The following SYNJ2 variants were observed in gnomAD, a reference collection of about 807,000 sequenced individuals.
The protein encoded by SYNJ2 is polyphosphatidylinositol phosphatase SYNJ2.
A neutral mutation model predicts 141.3 loss-of-function variants in SYNJ2; 116 were observed. The observed-to-expected ratio is 0.82, with a 90% CI of 0.71 to 0.96. The LOEUF (loss-of-function observed/expected upper bound fraction) is 0.96. Among genes scored for constraint, SYNJ2 ranks in the 40% least tolerant of loss-of-function variants. SYNJ2 has a pLI of 0.00. For missense variants in SYNJ2, 1,873 were observed against 1,934.8 expected, an observed-to-expected ratio of 0.97 and a Z score of 0.60; for synonymous variants, 745 against 777.7, an observed-to-expected ratio of 0.96 and a Z score of 0.70.
chr6:158,075,151 C>T (rs1782196104), intron 16 of SYNJ2, among the ~76,000 whole-genome samples: 1 of 151,310 alleles, frequency 6.6e-6, no homozygotes, highest in Admixed American at 6.6e-5. Context: ...AGGCTGGTCT[C>T]GAACTCCTGG....
In SYNJ2 at chr6:158,084,235, C is replaced by A. The variant is rs1255424856; in HGVS notation, c.3208+61C>A. ...ATGGAGTCAGCTCAGGACAGACTTT[C>A]CTTTTTCTCTTGGCGATTGGGCACT... is the stretch of plus-strand genomic sequence containing the variant. On this transcript the variant is annotated intron_variant, in intron 22 of 26. Transcript: ENST00000355585. The surrounding 1 kb of genome is among the most constrained non-coding windows in gnomAD (Gnocchi z 5.0). 15 of 1,552,916 alleles carry A rather than the reference C, an allele frequency of 9.7e-6. No individual in the cohort carries two copies. The highest frequency in any genetic ancestry group is 1.4e-5 in the African/African-American group (1 of 72,586).
At chr6:158,095,220 TTAC>T (rs1464337135) in intron 26 of SYNJ2, among the ~76,000 whole-genome samples, 1 of 152,060 alleles carries the variant, frequency 6.6e-6, no homozygotes, top group East Asian at 1.9e-4. Context: ...GTAACACAAG[TTAC>T]TTCACCCTAG....
In SYNJ2 at chr6:158,033,569, G is replaced by A; in HGVS notation, c.600G>A (p.Gln200=). 1 of 1,614,154 alleles carries A rather than the reference G, an allele frequency of 6.2e-7. No homozygotes were observed. Among genetic ancestry groups the A allele is most frequent in the Non-Finnish European group, 8.5e-7 (1 of 1,180,046 alleles). Reference sequence around the variant, plus strand: ...GCACCGTGTATGCCTCCCACAAGCAGGCCAAGGCCTGCCTCGTCTCTCGCG... The same window carrying A: ...GCACCGTGTATGCCTCCCACAAGCAAGCCAAGGCCTGCCTCGTCTCTCGCG... ...TIRTVYASHK[Q]AKACLVSRVS... Residue 200 remains glutamine, a synonymous_variant, in exon 4 of 27, where the codon CAG becomes CAA. Coordinates refer to ENST00000355585, the MANE Select transcript of SYNJ2 (RefSeq NM_003898.4).
chr6:158,081,074 G>T (rs1221371105), intron 18 of SYNJ2, 35 bp from the exon 19 acceptor site: 141 of 1,604,612 alleles, frequency 8.8e-5, no homozygotes, highest in Non-Finnish European at 1.2e-4. Flanking sequence ...ATCTGTCCCA[G>T]GCTAACTGTC....
At chr6:158,041,235 T>G (rs1040222968) in intron 4 of SYNJ2, among the ~76,000 whole-genome samples, 1 of 152,146 alleles carries the variant, frequency 6.6e-6, no homozygotes, top group Non-Finnish European at 1.5e-5. Context: ...CGGACCCAGC[T>G]TGTGCTAATA....
chr6:158,038,718 G>A (rs1779771185), intron 4 of SYNJ2, among the ~76,000 whole-genome samples: 1 of 152,246 alleles, frequency 6.6e-6, no homozygotes. Flanking sequence ...GTGGTGTGAT[G>A]GGGGCGCAGC....
chr6:158,063,186 C>T (rs895777105), intron 8 of SYNJ2, among the ~76,000 whole-genome samples: 1 of 152,190 alleles, frequency 6.6e-6, no homozygotes, highest in African/African-American at 2.4e-5. Context: ...ATGTCCAATT[C>T]AGTGTTCCTA....
intron 17 of SYNJ2, 146 bp downstream of exon 17, chr6:158,076,928 T>A: frequency 9.8e-7 from 1 of 1,017,762 alleles, no homozygotes; most frequent in Non-Finnish European, 1.4e-6. Context: ...TCCCAGACCT[T>A]AACCCCTAAG....
Position 158,059,272 on chromosome 6 carries a change from G to A in SYNJ2, c.873G>A (p.Leu291=), listed in dbSNP as rs1333350484. 2 of 1,549,840 alleles carry A rather than the reference G, an allele frequency of 1.3e-6. No individual in the cohort carries two copies. Among genetic ancestry groups the A allele is most frequent in the Non-Finnish European group, 1.7e-6 (2 of 1,146,658 alleles). The change falls in exon 7 of 27, where the codon CTG becomes CTA. Residue 291 remains leucine, a synonymous_variant. Transcript: ENST00000355585. ...APAFDRHMVL[L]KEQYGQQVVV... ...GCCTTTGCAGGCACATGGTGCTTCTGAAGGAGCAGTACGGGCAGCAGGTGG... is the reference window on the plus strand; with the variant it reads ...GCCTTTGCAGGCACATGGTGCTTCTAAAGGAGCAGTACGGGCAGCAGGTGG...
chr6:158,039,676 C>T (rs796312279), intron 4 of SYNJ2, among the ~76,000 whole-genome samples: 8 of 152,232 alleles, frequency 5.3e-5, no homozygotes, highest in African/African-American at 1.9e-4. Flanking sequence ...GTCGGGTAAA[C>T]TCATTCTGGT....
chr6:158,096,507 C>A lies in SYNJ2; in HGVS notation c.*143C>A. 1.0e-6 allele frequency: 1 copy of A among 953,706 alleles called. No individual in the cohort carries two copies. Among genetic ancestry groups the A allele is most frequent in the East Asian group, 2.7e-5 (1 of 37,040 alleles). The allele number at this position is 953,706 out of a possible 1,614,324, so 59.1% of individuals were successfully genotyped here. A position where few individuals can be genotyped will look rare whatever the true frequency, so the allele number is the denominator to read the frequency against. On this transcript the variant is annotated 3_prime_UTR_variant, in exon 27 of 27. Coordinates refer to ENST00000355585, the MANE Select transcript of SYNJ2 (RefSeq NM_003898.4). ...TCACTCTCGTGTAGTTTACAAAAAT[C>A]GTGTCTCTTATTCAGTAAGATGGTT...
At chr6:158,076,000 G>A (rs1448938419) in intron 16 of SYNJ2, among the ~76,000 whole-genome samples, 1 of 150,454 alleles carries the variant, frequency 6.6e-6, no homozygotes, top group Non-Finnish European at 1.5e-5. Context: ...AGACCAGCCT[G>A]GGAAACATAG....
At chr6:158,074,086 C>T (rs1006330266) in intron 15 of SYNJ2, among the ~76,000 whole-genome samples, 5 of 151,928 alleles carry the variant, frequency 3.3e-5, no homozygotes, top group African/African-American at 1.2e-4. Flanking sequence ...CCGTGGGCTC[C>T]TAGGACTGGG....
intron 2 of SYNJ2, among the ~76,000 whole-genome samples, chr6:158,025,473 C>A (rs9459166): frequency 0.38 from 57,535 of 150,726 alleles, 11,166 homozygotes; most frequent in Middle Eastern, 0.5. Context: ...GTCAGGAGTT[C>A]GAGACCAGCC....
At chr6:158,095,164 A>T (rs1048293742) in intron 26 of SYNJ2, among the ~76,000 whole-genome samples, 15 of 151,934 alleles carry the variant, frequency 9.9e-5, no homozygotes, top group African/African-American at 3.6e-4. Flanking sequence ...AAAAAAAAAA[A>T]TTCAAGGAGA....
At chr6:158,082,207 C>T (rs1287312097) in intron 20 of SYNJ2, among the ~76,000 whole-genome samples, 1 of 151,998 alleles carries the variant, frequency 6.6e-6, no homozygotes, top group African/African-American at 2.4e-5. Flanking sequence ...ATTAGCCAGG[C>T]GCTGGGTGTG....
At chr6:158,012,962 T>C (rs1778320283) in intron 1 of SYNJ2, among the ~76,000 whole-genome samples, 1 of 152,230 alleles carries the variant, frequency 6.6e-6, no homozygotes. Flanking sequence ...CCCAGTCAAA[T>C]TCAAGTGAGC....
At chr6:158,004,894 A>G (rs1039596116) in intron 1 of SYNJ2, among the ~76,000 whole-genome samples, 8 of 148,716 alleles carry the variant, frequency 5.4e-5, no homozygotes, top group Non-Finnish European at 7.5e-5. Context: ...TGGTGTCTTC[A>G]GTGGCCACGT....
chr6:158,029,228 C>T (rs1477618485), intron 3 of SYNJ2: 5 of 647,002 alleles, frequency 7.7e-6, no homozygotes, highest in Non-Finnish European at 1.3e-5. Flanking sequence ...ACCCCTGGCC[C>T]CTGGAATGTG....
Sources: allele counts gnomAD v4.1 joint callset (sites outside exome capture counted in the v4.1 genomes callset), GRCh38; gene constraint gnomAD v4.1.1; non-coding constraint Gnocchi (gnomAD v3.1); transcripts MANE v1.5; gene names NCBI Gene and HGNC (gene_info 2026-07-23, HGNC 2026-07-21).